The following CADM2 variants were observed in gnomAD, a reference collection of about 807,000 sequenced individuals.
CADM2 encodes the protein immunoglobulin superfamily member 4D.
A neutral mutation model predicts 49.8 loss-of-function variants in CADM2; 12 were observed. The observed-to-expected ratio is 0.24, with a 90% CI of 0.15 to 0.39. The LOEUF is 0.39. Ranked by LOEUF, CADM2 falls within the 10% of genes least tolerant of loss-of-function variation. CADM2 has a pLI of 1.00. For missense variants in CADM2, 378 were observed against 492.3 expected (o/e 0.77, Z 2.20); for synonymous variants, 214 against 175.4 (o/e 1.22, Z -1.74).
chr3:85,842,431 G>A lies in CADM2; in HGVS notation c.238+40235G>A, dbSNP rs2074679888. On this transcript the variant is annotated intron_variant, in intron 3 of 9. Transcript: ENST00000383699. ...GTTGCCATTTCAGACCAGGACAGCT[G>A]CTATTTTTTTCATTTTTAGTTTTTC... Among the ~76,000 whole-genome samples the A allele has an allele frequency of 2.6e-5, 4 of 152,074 alleles. 1 individual carries two copies. Among genetic ancestry groups the A allele is most frequent in the African/African-American group, 4.8e-5 (2 of 41,424 alleles).
At chr3:85,036,280 A>C (rs1194273796) in intron 1 of CADM2, among the ~76,000 whole-genome samples, 6 of 152,154 alleles carry the variant, frequency 3.9e-5, no homozygotes, top group African/African-American at 1.4e-4. Context: ...ACTGGAATTT[A>C]AACTAGACAT....
intron 1 of CADM2, among the ~76,000 whole-genome samples, chr3:85,200,317 T>A (rs1358734831): frequency 6.6e-6 from 1 of 152,060 alleles, no homozygotes; most frequent in Non-Finnish European, 1.5e-5. Context: ...TAAGGTACTG[T>A]TTCTGGTAAA....
intron 1 of CADM2, among the ~76,000 whole-genome samples, chr3:85,149,627 C>G (rs1371111674): frequency 1.3e-5 from 2 of 152,172 alleles, no homozygotes; most frequent in Admixed American, 6.5e-5. Flanking sequence ...GTCCCAGTTA[C>G]TCTGGAGACT....
chr3:85,975,602 A>G (rs1179259517), intron 8 of CADM2, among the ~76,000 whole-genome samples: 1 of 151,620 alleles, frequency 6.6e-6, no homozygotes, highest in Non-Finnish European at 1.5e-5. Flanking sequence ...TTTATAACTT[A>G]ACATCTAAAA....
chr3:85,787,011 G>C (rs754054391), intron 2 of CADM2, among the ~76,000 whole-genome samples: 1 of 151,888 alleles, frequency 6.6e-6, no homozygotes, highest in Non-Finnish European at 1.5e-5. Flanking sequence ...ATATATATTT[G>C]AAAAAGAAAA....
At chr3:85,859,224 C>CTTTTTTTTTTTTTTTTTTTTTTTTTTT (rs397990427) in intron 3 of CADM2, among the ~76,000 whole-genome samples, 1 of 70,596 alleles carries the variant, frequency 1.4e-5, no homozygotes, top group African/African-American at 5.9e-5. Context: ...TTTTTTTTGT[C>CTTTTTTTTTTTTTTTTTTTTTTTTTTT]TTTTTTTTTT....
chr3:85,320,517 C>G (rs2044572022), intron 1 of CADM2, among the ~76,000 whole-genome samples: 1 of 152,070 alleles, frequency 6.6e-6, no homozygotes, highest in Admixed American at 6.6e-5. Context: ...GTGGTTGTCC[C>G]CTGACATCAG....
At chr3:85,841,282 A>C (rs958252157) in intron 3 of CADM2, among the ~76,000 whole-genome samples, 2 of 151,864 alleles carry the variant, frequency 1.3e-5, no homozygotes, top group East Asian at 1.9e-4. Context: ...ATCAGGTAGC[A>C]TGGGGAGGTA....
At chr3:85,735,383 A>C (rs2068093951) in intron 2 of CADM2, among the ~76,000 whole-genome samples, 1 of 152,128 alleles carries the variant, frequency 6.6e-6, no homozygotes, top group Admixed American at 6.6e-5. Flanking sequence ...AGCAATATTC[A>C]ACAGCCCTGT....
chr3:85,851,506 A>G (rs981465306), intron 3 of CADM2, among the ~76,000 whole-genome samples: 4 of 151,962 alleles, frequency 2.6e-5, no homozygotes, highest in Admixed American at 6.6e-5. Context: ...TTTTTAAAAT[A>G]CAAAGAAAAT....
At chr3:85,100,854 G>A (rs1221561792) in intron 1 of CADM2, among the ~76,000 whole-genome samples, 1 of 152,172 alleles carries the variant, frequency 6.6e-6, no homozygotes, top group Non-Finnish European at 1.5e-5. Flanking sequence ...TAGATCCAGT[G>A]TAAAGTGGTT....
chr3:85,869,847 G>A (rs576267406), intron 3 of CADM2, among the ~76,000 whole-genome samples: 1 of 152,106 alleles, frequency 6.6e-6, no homozygotes, highest in African/African-American at 2.4e-5. Context: ...ATTTTTAGTA[G>A]AGACGGAGTT....
chr3:85,005,184 G>T (rs186743786), intron 1 of CADM2, among the ~76,000 whole-genome samples: 46 of 152,186 alleles, frequency 3.0e-4, no homozygotes, highest in African/African-American at 1.1e-3. Flanking sequence ...TCCTTAAGGG[G>T]TCACTTCATA....
At chr3:85,056,738 G>T (rs2107426908) in intron 1 of CADM2, among the ~76,000 whole-genome samples, 1 of 152,060 alleles carries the variant, frequency 6.6e-6, no homozygotes, top group Non-Finnish European at 1.5e-5. Context: ...TTAATAATTG[G>T]CTATTTTAAT....
At chr3:85,506,177 T>A (rs1233887697) in intron 1 of CADM2, among the ~76,000 whole-genome samples, 1 of 152,236 alleles carries the variant, frequency 6.6e-6, no homozygotes, top group Non-Finnish European at 1.5e-5. Flanking sequence ...AGGTAAATTG[T>A]GGAGATAAGG....
rs78672701 is a variant in CADM2 at position 85,421,501 on chromosome 3, C to T, written c.62-305021C>T. 2.0e-3 allele frequency among the ~76,000 whole-genome samples: 305 copies of T among 152,250 alleles called. 9 individuals carry two copies. In the East Asian group the frequency reaches 0.044, roughly 22 times the overall value. On this transcript the variant is annotated intron_variant, in intron 1 of 9. Transcript: ENST00000383699. Reference sequence around the variant, plus strand: ...GATGGGAAACATTCACTCTCTTATGCTCCATATGAAGTTGAGTGTTGATTA... The same window carrying T: ...GATGGGAAACATTCACTCTCTTATGTTCCATATGAAGTTGAGTGTTGATTA...
At chr3:86,008,805 C>T (rs1731108009) in intron 8 of CADM2, among the ~76,000 whole-genome samples, 1 of 151,762 alleles carries the variant, frequency 6.6e-6, no homozygotes. Flanking sequence ...GAGAAATATG[C>T]TTTTAAAATG....
intron 1 of CADM2, among the ~76,000 whole-genome samples, chr3:85,125,686 C>T (rs1388764500): frequency 1.3e-5 from 2 of 152,164 alleles, no homozygotes; most frequent in African/African-American, 4.8e-5. Context: ...TCTTCAGTTG[C>T]CTTACTTAGA....
intron 1 of CADM2, among the ~76,000 whole-genome samples, chr3:85,096,954 AT>A (rs1351331015): frequency 1.3e-5 from 2 of 152,108 alleles, no homozygotes; most frequent in Non-Finnish European, 2.9e-5. Flanking sequence ...GATGTTGGAA[AT>A]GCTAGTAGTG....
Sources: allele counts gnomAD v4.1 joint callset (sites outside exome capture counted in the v4.1 genomes callset), GRCh38; gene constraint gnomAD v4.1.1; transcripts MANE v1.5; gene names NCBI Gene and HGNC (gene_info 2026-07-23, HGNC 2026-07-21).